ABCA13: variants seen among roughly 807,000 people sequenced by gnomAD.
The protein encoded by ABCA13 is ATP-binding cassette sub-family A member 13.
In ABCA13, 476 loss-of-function variants were observed where a neutral mutation model predicts 478.7. That is an observed-to-expected ratio of 0.99 (90% CI 0.92 to 1.07). The LOEUF (loss-of-function observed/expected upper bound fraction) is 1.07, where lower values mean the gene tolerates loss of function less well. ABCA13 is among the 50% of genes least tolerant of loss of function. The pLI is 0.00. For missense variants in ABCA13, 6,060 were observed against 5,910.6 expected (o/e 1.03, Z -0.83); for synonymous variants, 2,252 against 2,158.9 (o/e 1.04, Z -1.20).
At chr7:48,338,996 G>T (rs551938479) in intron 29 of ABCA13, among the ~76,000 whole-genome samples, 1 of 152,318 alleles carries the variant, frequency 6.6e-6, no homozygotes, top group African/African-American at 2.4e-5. Context: ...ATGCAGTGCA[G>T]AGAAGAAGAT....
chr7:48,597,668 C>G (rs1479369272), intron 58 of ABCA13, among the ~76,000 whole-genome samples: 2 of 152,144 alleles, frequency 1.3e-5, no homozygotes, highest in East Asian at 3.9e-4. Context: ...TTTTAATTCA[C>G]ATTTTCCTAA....
chr7:48,243,493 A>G (rs1315973860), intron 10 of ABCA13, among the ~76,000 whole-genome samples: 1 of 152,180 alleles, frequency 6.6e-6, no homozygotes, highest in Non-Finnish European at 1.5e-5. Context: ...AGAAAGCCCA[A>G]GCATGTGGCT....
chr7:48,577,499 T>C (rs1000250410), intron 55 of ABCA13, among the ~76,000 whole-genome samples: 14 of 152,024 alleles, frequency 9.2e-5, no homozygotes, highest in Admixed American at 7.9e-4. Context: ...AATGGGCCAA[T>C]TCCCTGAAGA....
At chr7:48,466,547 C>G (rs929193032) in intron 43 of ABCA13, among the ~76,000 whole-genome samples, 3 of 152,070 alleles carry the variant, frequency 2.0e-5, no homozygotes, top group African/African-American at 2.4e-5. Flanking sequence ...ATATTCAGAC[C>G]AAACTGGAGC....
chr7:48,540,681 C>T (rs1006065694), intron 55 of ABCA13, among the ~76,000 whole-genome samples: 2 of 152,002 alleles, frequency 1.3e-5, no homozygotes, highest in African/African-American at 2.4e-5. Context: ...GTTATATTAT[C>T]TAAAACAGGG....
Position 48,471,590 on chromosome 7 carries a change from T to C in ABCA13, c.12966T>C (p.Cys4322=). Residue 4322 remains cysteine, a synonymous_variant, in exon 45 of 62, where the codon TGT becomes TGC. Transcript: ENST00000435803. ...CTCACCCAGAATTCCAGGATTCATG[T>C]GGCTGCCTGGTAGGTTTCTGCAGCA... The part of the protein sequence containing the change: ...PFSHPEFQDS[C]GCLKCPNRSA... The C allele has an allele frequency of 6.4e-7, 1 of 1,562,894 alleles. No homozygotes were observed. Among genetic ancestry groups the C allele is most frequent in the Non-Finnish European group, 8.7e-7 (1 of 1,151,680 alleles).
chr7:48,597,209 C>G (rs1174459470), intron 58 of ABCA13, among the ~76,000 whole-genome samples: 1 of 152,176 alleles, frequency 6.6e-6, no homozygotes, highest in African/African-American at 2.4e-5. Context: ...CTGGGCCTCC[C>G]AAAGTGCTGG....
intron 27 of ABCA13, among the ~76,000 whole-genome samples, chr7:48,319,964 T>G (rs933186648): frequency 6.6e-6 from 1 of 152,110 alleles, no homozygotes; most frequent in Non-Finnish European, 1.5e-5. Context: ...TGAACACTTG[T>G]ACCCCTCACA....
At chr7:48,335,383 C>A in intron 27 of ABCA13, 39 bp from the exon 28 acceptor site, 1 of 1,423,616 alleles carries the variant, frequency 7.0e-7, no homozygotes, top group East Asian at 2.3e-5. Flanking sequence ...AATATAACAG[C>A]TGAATAAGAG....
At chr7:48,616,360 C>T (rs961761196) in intron 59 of ABCA13, among the ~76,000 whole-genome samples, 9 of 152,040 alleles carry the variant, frequency 5.9e-5, no homozygotes, top group African/African-American at 1.2e-4. Flanking sequence ...AAACTATTCT[C>T]GGTATGTACT....
chr7:48,196,208 T>G (rs1262211670), intron 2 of ABCA13, among the ~76,000 whole-genome samples: 1 of 152,196 alleles, frequency 6.6e-6, no homozygotes, highest in Non-Finnish European at 1.5e-5. Flanking sequence ...GCTTATGATG[T>G]TCCTTATCCT....
chr7:48,593,185 A>C (rs1195281784), intron 57 of ABCA13, among the ~76,000 whole-genome samples: 2 of 129,726 alleles, frequency 1.5e-5, no homozygotes, highest in Non-Finnish European at 1.7e-5. Context: ...TAATTTGATA[A>C]TTTTTTTTTG....
intron 42 of ABCA13, among the ~76,000 whole-genome samples, chr7:48,447,401 G>C (rs1195879644): frequency 2.0e-5 from 3 of 152,170 alleles, no homozygotes; most frequent in Non-Finnish European, 4.4e-5. Flanking sequence ...AGTGGATAGA[G>C]ATACTTGGGA....
At chr7:48,340,043 A>G (rs1806890166) in intron 29 of ABCA13, among the ~76,000 whole-genome samples, 1 of 152,194 alleles carries the variant, frequency 6.6e-6, no homozygotes, top group South Asian at 2.1e-4. Flanking sequence ...AGATATACTG[A>G]TGCAACTTTT....
At chr7:48,295,056 T>C (rs1385924238) in intron 20 of ABCA13, among the ~76,000 whole-genome samples, 1 of 152,238 alleles carries the variant, frequency 6.6e-6, no homozygotes, top group East Asian at 1.9e-4. Context: ...AGAAGTGGGA[T>C]TTCTGGATCA....
In ABCA13 at chr7:48,245,601, G is replaced by A. The variant is rs1256715219; in HGVS notation, c.1480G>A (p.Glu494Lys). ...LKLEKDVFFW[E>K]LKQMLAKNAV... Reference sequence around the variant, plus strand: ...ACTGGAAAAGGATGTGTTCTTTTGGGAGCTGAAACAGGTAAAGCACAACAA... The same window carrying A: ...ACTGGAAAAGGATGTGTTCTTTTGGAAGCTGAAACAGGTAAAGCACAACAA... The change falls in exon 12 of 62, where the codon GAG (glutamate) becomes AAG (lysine). Residue 494 changes from glutamate (E) to lysine (K), a missense_variant. Physicochemically the swap from Glu to Lys is moderately conservative, Grantham distance 56. Transcript: ENST00000435803. 1 of 1,610,304 alleles carries A rather than the reference G, an allele frequency of 6.2e-7. No individual in the cohort carries two copies.
chr7:48,548,120 A>G (rs6980069), intron 55 of ABCA13, among the ~76,000 whole-genome samples: 21,287 of 151,838 alleles, frequency 0.14, 2,061 homozygotes, highest in African/African-American at 0.23. Context: ...TCTTCTGTAT[A>G]TAACAAACTG....
At chr7:48,625,135 G>A (rs1282747537) in intron 59 of ABCA13, among the ~76,000 whole-genome samples, 1 of 152,130 alleles carries the variant, frequency 6.6e-6, no homozygotes, top group Non-Finnish European at 1.5e-5. Flanking sequence ...AATCTTGTTT[G>A]AGCTCTCAAG....
In ABCA13 at chr7:48,455,173, C is replaced by T; in HGVS notation, c.12702C>T (p.Val4234=). 1 of 1,587,150 alleles carries T rather than the reference C, an allele frequency of 6.3e-7. No individual in the cohort carries two copies. Among genetic ancestry groups the T allele is most frequent in the Non-Finnish European group, 8.6e-7 (1 of 1,167,146 alleles). The change falls in exon 43 of 62, where the codon GTC becomes GTT. Residue 4234 remains valine, a synonymous_variant. Transcript: ENST00000435803. ...KSTLADLLLP[V]LFVALAMGLF... Reference sequence around the variant, plus strand: ...CCCTCGCCGACCTGCTGCTGCCAGTCCTCTTCGTGGCCTTGGCCATGGGCT... The same window carrying T: ...CCCTCGCCGACCTGCTGCTGCCAGTTCTCTTCGTGGCCTTGGCCATGGGCT...
Sources: gnomAD v4.1 joint callset for allele counts (sites outside exome capture counted in the v4.1 genomes callset) on GRCh38, gnomAD v4.1.1 for gene constraint, MANE v1.5 for transcripts, NCBI Gene and HGNC (gene_info 2026-07-23, HGNC 2026-07-21) for gene names.